The following FRK variants were observed in gnomAD, a reference collection of about 807,000 sequenced individuals.
The protein encoded by FRK is tyrosine-protein kinase FRK.
In FRK, 51 loss-of-function variants were observed where a neutral mutation model predicts 56.4. That is an observed-to-expected ratio of 0.90 (90% confidence interval 0.72 to 1.14). The LOEUF (loss-of-function observed/expected upper bound fraction) is 1.14, where lower values mean the gene tolerates loss of function less well. FRK is among the 50% of genes most tolerant of loss of function. The pLI is 0.00. For missense variants in FRK, 570 were observed against 601.4 expected, an observed-to-expected ratio of 0.95 and a Z score of 0.55; for synonymous variants, 245 against 217.9, an observed-to-expected ratio of 1.12 and a Z score of -1.10.
intron 1 of FRK, among the ~76,000 whole-genome samples, chr6:116,054,455 T>G (rs1400857226): frequency 6.9e-6 from 1 of 144,494 alleles, no homozygotes; most frequent in Non-Finnish European, 1.5e-5. Context: ...TTATACTATA[T>G]TATATATAAT....
At chr6:115,957,699 T>C (rs1019134546) in intron 4 of FRK, among the ~76,000 whole-genome samples, 26 of 152,210 alleles carry the variant, frequency 1.7e-4, no homozygotes, top group African/African-American at 6.3e-4. Context: ...ACATAAAACA[T>C]TTGAGCAGTC....
intron 2 of FRK, among the ~76,000 whole-genome samples, chr6:115,993,666 T>C (rs1185289112): frequency 6.6e-6 from 1 of 152,012 alleles, no homozygotes; most frequent in African/African-American, 2.4e-5. Context: ...AAGCATGCTT[T>C]CTTGAAAAAT....
chr6:116,024,309 C>T (rs533863624), intron 1 of FRK, among the ~76,000 whole-genome samples: 2 of 151,506 alleles, frequency 1.3e-5, no homozygotes, highest in Admixed American at 6.6e-5. Context: ...TACATGTGCA[C>T]AATGTGCAGG....
intron 1 of FRK, chr6:116,038,781 G>A (rs191230414): frequency 8.1e-6 from 4 of 496,560 alleles, no homozygotes; most frequent in Admixed American, 4.7e-5. Context: ...AAGTTCGTTG[G>A]GGGGAACTGG....
chr6:116,038,783 G>A, intron 1 of FRK: 3 of 497,400 alleles, frequency 6.0e-6, no homozygotes, highest in Middle Eastern at 6.3e-4. Context: ...GTTCGTTGGG[G>A]GGAACTGGAA....
At chr6:116,011,186 G>T (rs1397530563) in intron 1 of FRK, among the ~76,000 whole-genome samples, 1 of 152,104 alleles carries the variant, frequency 6.6e-6, no homozygotes, top group Non-Finnish European at 1.5e-5. Context: ...CATGTAAATA[G>T]ATGTGTTACC....
intron 2 of FRK, among the ~76,000 whole-genome samples, chr6:115,975,951 G>A (rs1233374815): frequency 9.9e-5 from 15 of 152,074 alleles, no homozygotes; most frequent in Non-Finnish European, 1.5e-5. Context: ...CAGTTATTCT[G>A]CACGTTAACT....
intron 5 of FRK, among the ~76,000 whole-genome samples, chr6:115,952,077 A>G (rs1772777614): frequency 6.6e-6 from 1 of 151,784 alleles, no homozygotes; most frequent in Admixed American, 6.6e-5. Flanking sequence ...TAGATTCTGG[A>G]TATTAGCCCT....
chr6:116,022,348 T>C (rs1217583259), intron 1 of FRK, among the ~76,000 whole-genome samples: 1 of 152,054 alleles, frequency 6.6e-6, no homozygotes, highest in Admixed American at 6.6e-5. Flanking sequence ...GATACCAAAA[T>C]CATAGAGAAT....
Position 115,934,403 on chromosome 6 carries a change from A to T in FRK, c.*8011T>A, listed in dbSNP as rs1772008665. 6.6e-6 allele frequency: 1 copy of T among 152,216 alleles called. No homozygotes were observed. The highest frequency in any genetic ancestry group is 2.4e-5 in the African/African-American group (1 of 41,454). 9.4% of individuals were successfully genotyped at this position (152,216 alleles called of 1,614,324 possible). On this transcript the variant is annotated 3_prime_UTR_variant, in exon 8 of 8. Coordinates refer to ENST00000606080, the MANE Select transcript of FRK (RefSeq NM_002031.3). ...AACACAAAAATGAAAATAATTTTTAATCCAAGCTTGGGATAGAGATTTCCC... is the reference window on the plus strand; with the variant it reads ...AACACAAAAATGAAAATAATTTTTATTCCAAGCTTGGGATAGAGATTTCCC...
At chr6:116,095,275 T>C in the FRK span, among the ~76,000 whole-genome samples, 1 of 152,218 alleles carries the variant, frequency 6.6e-6, no homozygotes, top group African/African-American at 2.4e-5. Flanking sequence ...GGGAACTCTT[T>C]ATAGAAGCAG....
chr6:116,086,167 G>A, the FRK span, among the ~76,000 whole-genome samples: 6 of 151,910 alleles, frequency 3.9e-5, no homozygotes, highest in Non-Finnish European at 8.8e-5. Flanking sequence ...CACCATGCCC[G>A]GCTAATTGTT....
At chr6:115,952,217 G>C (rs1025120915) in intron 5 of FRK, among the ~76,000 whole-genome samples, 1 of 152,104 alleles carries the variant, frequency 6.6e-6, no homozygotes, top group African/African-American at 2.4e-5. Flanking sequence ...TTTGTCTTTT[G>C]TTGCCATTGC....
rs1775153202 is a variant in FRK, at chr6:116,003,884, A to G, written c.459T>C (p.Ser153=). ...ACAAAACAATACCCTTACCTGAAAG[A>G]GAGAATTCTCCTTTTTGGCTTTCAC... ...RESESQKGEF[S]LSVLDGAVVK... Residue 153 remains serine, a synonymous_variant, in exon 2 of 8, where the codon TCT becomes TCC. Transcript: ENST00000606080. The G allele has an allele frequency of 1.2e-6, 2 of 1,613,440 alleles. No individual in the cohort carries two copies. Among genetic ancestry groups the G allele is most frequent in the South Asian group, 1.1e-5 (1 of 91,070 alleles).
At chr6:116,009,949 C>T (rs896360848) in intron 1 of FRK, among the ~76,000 whole-genome samples, 26 of 152,100 alleles carry the variant, frequency 1.7e-4, no homozygotes, top group African/African-American at 6.0e-4. Flanking sequence ...ACAAACTGGC[C>T]GGGCATGGTG....
chr6:116,074,883 G>C, the FRK span, among the ~76,000 whole-genome samples: 1 of 152,122 alleles, frequency 6.6e-6, no homozygotes, highest in African/African-American at 2.4e-5. Flanking sequence ...GTTGTGCCAT[G>C]CTGTGTTCCC....
chr6:116,055,492 G>T (rs968077450), intron 1 of FRK, among the ~76,000 whole-genome samples: 1 of 152,202 alleles, frequency 6.6e-6, no homozygotes, highest in Non-Finnish European at 1.5e-5. Context: ...TTCTTCCCCT[G>T]CTAAAGTGCT....
chr6:115,954,717 C>T (rs1456631012), intron 5 of FRK, among the ~76,000 whole-genome samples: 1 of 152,018 alleles, frequency 6.6e-6, no homozygotes. Context: ...TGATTTTTTT[C>T]CTCCTTTCAA....
intron 1 of FRK, among the ~76,000 whole-genome samples, chr6:116,030,391 G>A (rs1307730990): frequency 1.3e-5 from 2 of 152,048 alleles, no homozygotes; most frequent in Admixed American, 6.6e-5. Flanking sequence ...TGCACCTAGC[G>A]CTCCTATCAC....
Sources: allele counts gnomAD v4.1 joint callset (sites outside exome capture counted in the v4.1 genomes callset), GRCh38; gene constraint gnomAD v4.1.1; transcripts MANE v1.5; gene names NCBI Gene and HGNC (gene_info 2026-07-23, HGNC 2026-07-21).